The following CELSR1 variants were observed in gnomAD, a reference collection of about 807,000 sequenced individuals.
CELSR1 encodes the protein cadherin EGF LAG seven-pass G-type receptor 1, also known as adhesion G protein-coupled receptor C1.
Under a neutral mutation model 249.1 loss-of-function variants are expected in CELSR1, and 110 were observed. That is an observed-to-expected ratio of 0.44 (90% CI 0.38 to 0.52). The LOEUF is 0.52. Among genes scored for constraint, CELSR1 ranks in the 20% least tolerant of loss-of-function variants. The probability of loss-of-function intolerance (pLI) is 0.00; values close to 1 mark genes in which losing one functional copy is unlikely to be tolerated. For synonymous variants in CELSR1, 2,113 were observed against 1,900.0 expected (o/e 1.11, Z -2.92); for missense variants, 4,109 against 4,296.4 (o/e 0.96, Z 1.22).
intron 24 of CELSR1, among the ~76,000 whole-genome samples, chr22:46,376,292 G>A (rs1428216985): frequency 6.6e-6 from 1 of 152,214 alleles, no homozygotes; most frequent in Non-Finnish European, 1.5e-5. Flanking sequence ...GCATTCCTAA[G>A]ATAAACCCAA....
Position 46,535,009 on chromosome 22 carries a change from G to A in CELSR1, c.2162C>T (p.Thr721Ile), listed in dbSNP as rs1244503618. The change falls in exon 1 of 35, where the codon ACC (threonine) becomes ATC (isoleucine). Residue 721 changes from threonine (T) to isoleucine (I), a missense_variant. By Grantham distance (89) the Thr-to-Ile change is moderately conservative. Transcript: ENST00000674500. ...ARDRDANSVI[T>I]YQLTGGNTRN... is the part of the protein sequence containing the mutation. ...GGTGTTGCCGCCTGTGAGCTGGTAG[G>A]TAATCACACTGTTGGCGTCACGGTC... The A allele has an allele frequency of 6.2e-7, 1 of 1,612,228 alleles. No individual in the cohort carries two copies.
Position 46,500,420 on chromosome 22 carries a change from C to T in CELSR1, c.3544+33207G>A, listed in dbSNP as rs948673809. On this transcript the variant is annotated intron_variant, in intron 1 of 34. Transcript: ENST00000674500. This position sits in a 1 kb window ranked among gnomAD's most constrained non-coding sequence, Gnocchi z 4.9. ...GGCGGTAACCATGGAAACTGGCAGTCGGTGCAGGAGGGCGAACGGTTGATG... is the reference window on the plus strand; with the variant it reads ...GGCGGTAACCATGGAAACTGGCAGTTGGTGCAGGAGGGCGAACGGTTGATG... Among the ~76,000 whole-genome samples, 9 of 152,104 alleles carry T rather than the reference C, an allele frequency of 5.9e-5. No homozygotes were observed. Among genetic ancestry groups the T allele is most frequent in the Non-Finnish European group, 8.8e-5 (6 of 68,034 alleles).
chr22:46,364,685 G>C lies in CELSR1; in HGVS notation c.8606C>G (p.Ala2869Gly). 1 of 1,612,596 alleles carries C rather than the reference G, an allele frequency of 6.2e-7. No homozygotes were observed. The highest frequency in any genetic ancestry group is 1.3e-5 in the African/African-American group (1 of 75,052). ...VPAGWPDQSL[A>G]ESDSEDPSGK... is the part of the protein sequence containing the mutation. ...GCTGGGGTCCTCACTGTCACTCTCA[G>C]CCAGGCTCTGGTCGGGCCAGCCGGC... is the stretch of plus-strand genomic sequence containing the variant. Residue 2869 changes from alanine (A) to glycine (G), a missense_variant, in exon 33 of 35, where the codon GCT (alanine) becomes GGT (glycine). Coordinates refer to ENST00000674500, the MANE Select transcript of CELSR1 (RefSeq NM_001378328.1).
chr22:46,388,974 A>G (rs2079059580), intron 18 of CELSR1, among the ~76,000 whole-genome samples: 1 of 152,324 alleles, frequency 6.6e-6, no homozygotes, highest in South Asian at 2.1e-4. Context: ...CACAGGCTGC[A>G]TGGAAGGGAG....
At chr22:46,505,888 G>C (rs1050229790) in intron 1 of CELSR1, among the ~76,000 whole-genome samples, 1 of 152,052 alleles carries the variant, frequency 6.6e-6, no homozygotes, top group Non-Finnish European at 1.5e-5. Context: ...CCGTCAAAAA[G>C]AAACTACTGG....
chr22:46,505,758 G>T (rs1201051279), intron 1 of CELSR1, among the ~76,000 whole-genome samples: 1 of 152,222 alleles, frequency 6.6e-6, no homozygotes, highest in Non-Finnish European at 1.5e-5. Flanking sequence ...CACCCAGAAA[G>T]CGTTGATTTG....
Position 46,393,737 on chromosome 22 carries a change from CAAAAAAAAA to C in CELSR1, c.5964+396_5964+404del, listed in dbSNP as rs527573754. On this transcript the variant is annotated intron_variant, in intron 14 of 34. Transcript: ENST00000674500. This position sits in a 1 kb window ranked among gnomAD's most constrained non-coding sequence, Gnocchi z 4.1. ...TGGGCGACACAGCGAGACTCTGTCT[CAAAAAAAAA>C]AAAAAAAAGACCAGGAAAATGGCCA... Among the ~76,000 whole-genome samples, 2 of 76,580 alleles carry C rather than the reference CAAAAAAAAA, an allele frequency of 2.6e-5. No individual in the cohort carries two copies. Among genetic ancestry groups the C allele is most frequent in the East Asian group, 4.2e-4 (1 of 2,380 alleles). 50.2% of individuals were successfully genotyped at this position (76,580 alleles called of 152,430 possible). A position where few individuals can be genotyped will look rare whatever the true frequency, so the allele number is the denominator to read the frequency against.
rs112203096 is a variant in CELSR1 at position 46,399,508 on chromosome 22, C to T, written c.5412+209G>A. Among the ~76,000 whole-genome samples the T allele has an allele frequency of 2.8e-3, 420 of 152,270 alleles. 5 individuals are homozygous for T. The highest frequency in any genetic ancestry group is 8.7e-3 in the East Asian group (45 of 5,182). ...CTGGAGGAAGTCAGCTGCTGACTGC[C>T]GGGGGCGGGGCATCCGGATGAAGGA... On this transcript the variant is annotated intron_variant, in intron 10 of 34. Coordinates refer to ENST00000674500, the MANE Select transcript of CELSR1 (RefSeq NM_001378328.1). The surrounding 1 kb of genome is among the most constrained non-coding windows in gnomAD (Gnocchi z 5.0).
rs928084837 is a variant in CELSR1 at position 46,471,553 on chromosome 22, C to T, written c.3545-7208G>A. 6.6e-6 allele frequency among the ~76,000 whole-genome samples: 1 copy of T among 152,104 alleles called. No homozygotes were observed. Among genetic ancestry groups the T allele is most frequent in the Admixed American group, 6.6e-5 (1 of 15,252 alleles). ...TACAGGAGCATGCCACCATGCCTGGCTGGGTTTTCTGTTCTTGTTTTTTGT... is the reference window on the plus strand; with the variant it reads ...TACAGGAGCATGCCACCATGCCTGGTTGGGTTTTCTGTTCTTGTTTTTTGT... On this transcript the variant is annotated intron_variant, in intron 1 of 34. Coordinates refer to ENST00000674500, the MANE Select transcript of CELSR1 (RefSeq NM_001378328.1). The surrounding 1 kb of genome is among the most constrained non-coding windows in gnomAD (Gnocchi z 4.9).
In CELSR1 at chr22:46,448,478, C is replaced by T. The variant is rs1048945326; in HGVS notation, c.4184-9067G>A. The T allele has an allele frequency of 1.6e-5, 6 of 375,120 alleles. No individual in the cohort carries two copies. Among genetic ancestry groups the T allele is most frequent in the East Asian group, 8.4e-5 (1 of 11,912 alleles). 23.2% of individuals were successfully genotyped at this position (375,120 alleles called of 1,614,324 possible). A position where few individuals can be genotyped will look rare whatever the true frequency, so the allele number is the denominator to read the frequency against. On this transcript the variant is annotated intron_variant, in intron 2 of 34. Coordinates refer to ENST00000674500, the MANE Select transcript of CELSR1 (RefSeq NM_001378328.1). The surrounding 1 kb of genome is among the most constrained non-coding windows in gnomAD (Gnocchi z 5.7). ...GGGAGGGCTGGGAACGCGCTGGGAA[C>T]GTGCCCCAGGAGGGGAAGGGCGTGT...
intron 1 of CELSR1, among the ~76,000 whole-genome samples, chr22:46,505,150 T>A (rs2080502935): frequency 6.6e-6 from 1 of 150,680 alleles, no homozygotes; most frequent in Non-Finnish European, 1.5e-5. Flanking sequence ...TAGTCCCAGC[T>A]ACTCGGGAGG....
In CELSR1 at chr22:46,534,722, C is replaced by A; in HGVS notation, c.2449G>T (p.Asp817Tyr). ...SIATLSANDE[D>Y]TGENARITYV... is the part of the protein sequence containing the mutation. ...GTGATGCGGGCATTCTCTCCTGTGTCCTCATCGTTGGCACTGAGGGTAGCA... is the reference window on the plus strand; with the variant it reads ...GTGATGCGGGCATTCTCTCCTGTGTACTCATCGTTGGCACTGAGGGTAGCA... Residue 817 changes from aspartate to tyrosine, a missense_variant, in exon 1 of 35, where the codon GAC becomes TAC. This residue lies in a region of CELSR1 where 886 missense variants were observed against 896.5 expected (regional missense o/e 0.99). Coordinates refer to ENST00000674500, the MANE Select transcript of CELSR1 (RefSeq NM_001378328.1). This position sits in a 1 kb window ranked among gnomAD's most constrained non-coding sequence, Gnocchi z 9.7. 1 of 1,613,348 alleles carries A rather than the reference C, an allele frequency of 6.2e-7. No individual in the cohort carries two copies.
intron 20 of CELSR1, among the ~76,000 whole-genome samples, chr22:46,382,700 G>A (rs529819407): frequency 1.3e-5 from 2 of 152,296 alleles, no homozygotes; most frequent in Non-Finnish European, 2.9e-5. Context: ...TCCGCACAAT[G>A]GAATATTACT....
chr22:46,508,936 G>A lies in CELSR1; in HGVS notation c.3544+24691C>T, dbSNP rs551072007. Among the ~76,000 whole-genome samples the A allele has an allele frequency of 3.9e-5, 6 of 152,238 alleles. No individual in the cohort carries two copies. In the South Asian group the frequency reaches 8.3e-4, roughly 21 times the overall value. On this transcript the variant is annotated intron_variant, in intron 1 of 34. Transcript: ENST00000674500. The stretch of plus-strand genomic sequence containing the variant: ...CGGCTACGATGGTCAAAGCAACCCC[G>A]AGCTCCCAGAAGGCTCCAGGATAGC...
intron 2 of CELSR1, among the ~76,000 whole-genome samples, chr22:46,458,798 TCA>T (rs560731935): frequency 2.0e-4 from 30 of 152,322 alleles, no homozygotes; most frequent in African/African-American, 6.5e-4. Flanking sequence ...TCCTGGGTTG[TCA>T]CAGATACATG....
At chr22:46,485,122 CAGAG>C (rs1446527095) in intron 1 of CELSR1, among the ~76,000 whole-genome samples, 6 of 152,092 alleles carry the variant, frequency 3.9e-5, no homozygotes, top group Admixed American at 6.5e-5. Context: ...TTTTAGCCAA[CAGAG>C]AAAGTGTGTG....
At chr22:46,520,241 G>T (rs2080671865) in intron 1 of CELSR1, among the ~76,000 whole-genome samples, 1 of 152,094 alleles carries the variant, frequency 6.6e-6, no homozygotes. Flanking sequence ...AGGAAGAAGA[G>T]CCCCGAGCTC....
rs192817832 is a variant in CELSR1 at position 46,363,851 on chromosome 22, C to G, written c.9035+145G>C. Reference sequence around the variant, plus strand: ...TGACCTCAGCTGCAGCGCCTCCCCCCTCCCCCATCCCCGCCTGGGCTTCCT... The same window carrying G: ...TGACCTCAGCTGCAGCGCCTCCCCCGTCCCCCATCCCCGCCTGGGCTTCCT... On this transcript the variant is annotated intron_variant, in intron 34 of 34. Transcript: ENST00000674500. This position sits in a 1 kb window ranked among gnomAD's most constrained non-coding sequence, Gnocchi z 4.3. The G allele has an allele frequency of 3.5e-6, 4 of 1,142,922 alleles. No homozygotes were observed. The highest frequency in any genetic ancestry group is 2.6e-5 in the East Asian group (1 of 37,736). 70.8% of individuals were successfully genotyped at this position (1,142,922 alleles called of 1,614,324 possible). A position where few individuals can be genotyped will look rare whatever the true frequency, so the allele number is the denominator to read the frequency against.
rs1021599640 is a variant in CELSR1 at position 46,522,822 on chromosome 22, C to A, written c.3544+10805G>T. Among the ~76,000 whole-genome samples, 13 of 152,346 alleles carry A rather than the reference C, an allele frequency of 8.5e-5. No homozygotes were observed. The South Asian group carries it at 1.9e-3, about 22-fold the overall frequency. On this transcript the variant is annotated intron_variant, in intron 1 of 34. Transcript: ENST00000674500. The stretch of plus-strand genomic sequence containing the variant: ...TCCAGAGGGGGCCAGGCAGACCCAG[C>A]GTCAGGCAATCTGAACGGGGCAGTG...
Sources: gnomAD v4.1 joint callset for allele counts (sites outside exome capture counted in the v4.1 genomes callset) on GRCh38, gnomAD v4.1.1 for gene constraint, gnomAD v4.1.1 regional missense constraint, Gnocchi (gnomAD v3.1) non-coding constraint, MANE v1.5 for transcripts, NCBI Gene and HGNC (gene_info 2026-07-23, HGNC 2026-07-21) for gene names.